DLG2: variants seen among roughly 807,000 people sequenced by gnomAD.
DLG2 encodes the protein discs large MAGUK scaffold protein 2, also known as disks large homolog 2.
DLG2 carries 45 observed loss-of-function variants against 132.5 expected under a neutral mutation model. The ratio of observed to expected loss-of-function variants is 0.34; its 90% CI spans 0.27 to 0.44. The LOEUF (loss-of-function observed/expected upper bound fraction) is 0.44, where lower values mean the gene tolerates loss of function less well. Among genes scored for constraint, DLG2 ranks in the 20% least tolerant of loss-of-function variants. The probability of loss-of-function intolerance (pLI) is 1.00; values close to 1 mark genes in which losing one functional copy is unlikely to be tolerated. For synonymous variants in DLG2, 424 were observed against 419.6 expected, an observed-to-expected ratio of 1.01 and a Z score of -0.13; for missense variants, 1,045 against 1,196.9, an observed-to-expected ratio of 0.87 and a Z score of 1.87.
intron 6 of DLG2, among the ~76,000 whole-genome samples, chr11:84,648,640 T>A (rs983264275): frequency 6.6e-6 from 1 of 152,074 alleles, no homozygotes; most frequent in South Asian, 2.1e-4. Flanking sequence ...TGGTAATTAG[T>A]GAGTTCTCAT....
intron 4 of DLG2, among the ~76,000 whole-genome samples, chr11:85,282,165 C>A (rs1292943358): frequency 6.6e-6 from 1 of 151,700 alleles, no homozygotes; most frequent in Non-Finnish European, 1.5e-5. Context: ...ATAAAATGTA[C>A]ACATGCAGAT....
chr11:84,512,744 G>A (rs2099260536), intron 7 of DLG2, among the ~76,000 whole-genome samples: 1 of 151,422 alleles, frequency 6.6e-6, no homozygotes, highest in Non-Finnish European at 1.5e-5. Flanking sequence ...AAAAAAAAAA[G>A]ACAACCAAGA....
chr11:85,004,493 T>A (rs917198233), intron 6 of DLG2, among the ~76,000 whole-genome samples: 3 of 152,210 alleles, frequency 2.0e-5, no homozygotes, highest in African/African-American at 7.2e-5. Flanking sequence ...TTTTTTCGTA[T>A]GTTTGTTGGC....
chr11:85,333,255 A>G (rs951216531), intron 3 of DLG2, among the ~76,000 whole-genome samples: 5 of 152,264 alleles, frequency 3.3e-5, no homozygotes, highest in Middle Eastern at 3.4e-3. Flanking sequence ...TGATAGTGGT[A>G]TATAGAAATG....
At chr11:84,514,079 C>T (rs940306058) in intron 7 of DLG2, among the ~76,000 whole-genome samples, 3 of 151,992 alleles carry the variant, frequency 2.0e-5, no homozygotes, top group Middle Eastern at 3.2e-3. Context: ...GACAAACAGG[C>T]CTATGGAAAC....
In DLG2 at chr11:84,379,656, G is replaced by A. The variant is rs534901173; in HGVS notation, c.520-128365C>T. 7.9e-5 allele frequency among the ~76,000 whole-genome samples: 12 copies of A among 152,026 alleles called. No homozygotes were observed. The South Asian group carries it at 8.3e-4, about 11-fold the overall frequency. ...ATGCACACAGAGACAAGGACAATAC[G>A]GTCTGAGGCTCAGGCACTATTTCCC... On this transcript the variant is annotated intron_variant, in intron 7 of 27. Transcript: ENST00000376104.
chr11:85,502,060 C>T (rs2093816817), intron 3 of DLG2, among the ~76,000 whole-genome samples: 3 of 152,232 alleles, frequency 2.0e-5, no homozygotes, highest in Non-Finnish European at 4.4e-5. Flanking sequence ...AAATGTGGCA[C>T]ATATACTCCA....
chr11:85,087,117 G>A (rs942824189), intron 6 of DLG2, among the ~76,000 whole-genome samples: 1 of 152,104 alleles, frequency 6.6e-6, no homozygotes, highest in African/African-American at 2.4e-5. Context: ...CTATGCCTCA[G>A]GCATTATGCT....
chr11:83,656,072 C>T (rs912907850), intron 18 of DLG2, among the ~76,000 whole-genome samples: 2 of 152,176 alleles, frequency 1.3e-5, no homozygotes, highest in African/African-American at 2.4e-5. Flanking sequence ...TCTGAGATTA[C>T]GCAGGTCAGG....
At chr11:84,491,317 G>A (rs1455831472) in intron 7 of DLG2, among the ~76,000 whole-genome samples, 1 of 151,978 alleles carries the variant, frequency 6.6e-6, no homozygotes, top group Non-Finnish European at 1.5e-5. Context: ...ATTATAAGGG[G>A]GAGTTTTCCT....
At chr11:85,177,145 T>C (rs2079323631) in intron 4 of DLG2, among the ~76,000 whole-genome samples, 1 of 151,932 alleles carries the variant, frequency 6.6e-6, no homozygotes, top group African/African-American at 2.4e-5. Flanking sequence ...ATTATAGAGA[T>C]AACATGCACA....
At chr11:84,711,347 A>C in intron 6 of DLG2, among the ~76,000 whole-genome samples, 1 of 82,836 alleles carries the variant, frequency 1.2e-5, no homozygotes, top group East Asian at 2.8e-4. Flanking sequence ...AGAGAGAGAG[A>C]GAGAGAGAGA....
At chr11:83,723,636 C>T (rs976996088) in intron 18 of DLG2, among the ~76,000 whole-genome samples, 3 of 152,210 alleles carry the variant, frequency 2.0e-5, no homozygotes, top group Middle Eastern at 3.4e-3. Flanking sequence ...AGGTGGATCA[C>T]CCGAGGTCAG....
At chr11:84,560,123 AC>A (rs757279779) in intron 6 of DLG2, among the ~76,000 whole-genome samples, 1 of 152,122 alleles carries the variant, frequency 6.6e-6, no homozygotes, top group African/African-American at 2.4e-5. Context: ...AATACTAGCT[AC>A]AGGACTGTAT....
At chr11:85,276,470 C>T (rs753253458) in intron 4 of DLG2, among the ~76,000 whole-genome samples, 15 of 152,078 alleles carry the variant, frequency 9.9e-5, no homozygotes, top group Non-Finnish European at 2.1e-4. Context: ...TTTGGAGAAA[C>T]TCTGACATCT....
chr11:85,232,097 T>C lies in DLG2; in HGVS notation c.186+53123A>G, dbSNP rs117954835. On this transcript the variant is annotated intron_variant, in intron 4 of 27. Coordinates refer to ENST00000376104, the MANE Select transcript of DLG2 (RefSeq NM_001142699.3). Reference sequence around the variant, plus strand: ...GCCAATATTTCTTTCCTCCACCCATTAAGATTTTTGCTTTCTACCAAGCAA... The same window carrying C: ...GCCAATATTTCTTTCCTCCACCCATCAAGATTTTTGCTTTCTACCAAGCAA... Among the ~76,000 whole-genome samples, 1,444 of 151,954 alleles carry C rather than the reference T, an allele frequency of 9.5e-3. 10 individuals are homozygous for C. Among genetic ancestry groups the C allele is most frequent in the Non-Finnish European group, 0.014 (948 of 67,894 alleles).
At chr11:85,318,735 G>A (rs1338502823) in intron 3 of DLG2, among the ~76,000 whole-genome samples, 4 of 151,732 alleles carry the variant, frequency 2.6e-5, no homozygotes, top group Non-Finnish European at 3.0e-5. Context: ...AAGACCATAA[G>A]GAAACATGAA....
At chr11:84,995,093 T>A (rs139813518) in intron 6 of DLG2, among the ~76,000 whole-genome samples, 3 of 152,188 alleles carry the variant, frequency 2.0e-5, no homozygotes, top group African/African-American at 4.8e-5. Flanking sequence ...CCAGTTTGAA[T>A]AGTGCTTTCA....
rs180993096 is a variant in DLG2 at position 84,261,038 on chromosome 11, T to C, written c.520-9747A>G. On this transcript the variant is annotated intron_variant, in intron 7 of 27. Coordinates refer to ENST00000376104, the MANE Select transcript of DLG2 (RefSeq NM_001142699.3). ...GAAAGATCCATGTGGATACCATCTG[T>C]TCCTCGTTGCTAAGCTACTAAAGAG... 2.0e-3 allele frequency among the ~76,000 whole-genome samples: 312 copies of C among 152,358 alleles called. 2 individuals are homozygous for C. Among genetic ancestry groups the C allele is most frequent in the African/African-American group, 7.2e-3 (301 of 41,588 alleles).
Sources: allele counts gnomAD v4.1 joint callset (sites outside exome capture counted in the v4.1 genomes callset), GRCh38; gene constraint gnomAD v4.1.1; transcripts MANE v1.5; gene names NCBI Gene and HGNC (gene_info 2026-07-23, HGNC 2026-07-21).